The following ACMSD variants were observed in gnomAD, a reference collection of about 807,000 sequenced individuals.
ACMSD encodes the protein aminocarboxymuconate semialdehyde decarboxylase, also known as 2-amino-3-carboxymuconate-6-semialdehyde decarboxylase.
In ACMSD, 37 loss-of-function variants were observed where a neutral mutation model predicts 45.9. The ratio of observed to expected loss-of-function variants is 0.81; its 90% CI spans 0.62 to 1.06. The LOEUF (loss-of-function observed/expected upper bound fraction) is 1.06, where lower values mean the gene tolerates loss of function less well. Among genes scored for constraint, ACMSD ranks in the 50% least tolerant of loss-of-function variants. The pLI, the probability that ACMSD is intolerant of heterozygous loss-of-function variation, is 0.00. For missense variants in ACMSD, 434 were observed against 420.9 expected (o/e 1.03, Z -0.27); for synonymous variants, 138 against 148.8 (o/e 0.93, Z 0.53).
intron 9 of ACMSD, among the ~76,000 whole-genome samples, chr2:134,898,818 T>C (rs1010744085): frequency 3.3e-5 from 5 of 152,276 alleles, no homozygotes; most frequent in African/African-American, 7.2e-5. Flanking sequence ...GAAACTAAAG[T>C]CTTGATTAAA....
At chr2:134,856,913 T>C (rs537309960) in intron 2 of ACMSD, among the ~76,000 whole-genome samples, 2 of 152,096 alleles carry the variant, frequency 1.3e-5, no homozygotes, top group Non-Finnish European at 2.9e-5. Flanking sequence ...TGGTTTTTTT[T>C]TCTATTTCTG....
chr2:134,899,192 A>G (rs939209988), intron 9 of ACMSD, among the ~76,000 whole-genome samples: 2 of 152,162 alleles, frequency 1.3e-5, no homozygotes, highest in Non-Finnish European at 2.9e-5. Context: ...GCTTTCTTCT[A>G]AACTAGAATC....
chr2:134,853,621 C>T (rs1445067435), intron 2 of ACMSD, among the ~76,000 whole-genome samples: 4 of 152,136 alleles, frequency 2.6e-5, no homozygotes, highest in Non-Finnish European at 5.9e-5. Flanking sequence ...ACAGACACAT[C>T]CACAGCCTTG....
chr2:134,849,244 G>A (rs1227894220), intron 2 of ACMSD, among the ~76,000 whole-genome samples: 1 of 144,600 alleles, frequency 6.9e-6, no homozygotes, highest in Non-Finnish European at 1.5e-5. Flanking sequence ...AAAACAAAAA[G>A]GAAATATTTT....
At chr2:134,846,939 T>C (rs1227468977) in intron 2 of ACMSD, among the ~76,000 whole-genome samples, 2 of 151,920 alleles carry the variant, frequency 1.3e-5, no homozygotes, top group Non-Finnish European at 2.9e-5. Flanking sequence ...GCTTCGAGGA[T>C]GAGAAGGGAA....
At chr2:134,885,290 T>TATATATATA (rs374618397) in intron 8 of ACMSD, among the ~76,000 whole-genome samples, 1 of 45,434 alleles carries the variant, frequency 2.2e-5, no homozygotes, top group African/African-American at 1.1e-4. Flanking sequence ...ATATATTATA[T>TATATATATA]TTATATATAT....
At chr2:134,849,280 C>T (rs1158382135) in intron 2 of ACMSD, among the ~76,000 whole-genome samples, 1 of 128,218 alleles carries the variant, frequency 7.8e-6, no homozygotes, top group Non-Finnish European at 1.6e-5. Flanking sequence ...GACTTATTTC[C>T]AGCAAAATCT....
intron 1 of ACMSD, among the ~76,000 whole-genome samples, chr2:134,839,632 AT>A (rs1686692388): frequency 6.6e-6 from 1 of 152,140 alleles, no homozygotes; most frequent in Non-Finnish European, 1.5e-5. Flanking sequence ...AGATGAAACT[AT>A]TTTCTTCTCA....
intron 1 of ACMSD, among the ~76,000 whole-genome samples, chr2:134,840,299 C>A (rs982149237): frequency 2.6e-5 from 4 of 151,722 alleles, no homozygotes; most frequent in African/African-American, 7.3e-5. Context: ...ACAACGCCCC[C>A]CTGTACTATC....
chr2:134,897,588 AC>A (rs1690236709), intron 8 of ACMSD, among the ~76,000 whole-genome samples: 1 of 152,068 alleles, frequency 6.6e-6, no homozygotes, highest in Non-Finnish European at 1.5e-5. Flanking sequence ...ATTTTATTTT[AC>A]TTTGATAAAT....
chr2:134,901,946 T>C lies in ACMSD; in HGVS notation c.*86T>C. On this transcript the variant is annotated 3_prime_UTR_variant, in exon 10 of 10. Transcript: ENST00000356140. ...ATCAACAGGTATCAACAAAATCCTA[T>C]TTTGAACTATTTTACTCAGAAATGA... 1 of 881,544 alleles carries C rather than the reference T, an allele frequency of 1.1e-6. No individual in the cohort carries two copies. The allele number at this position is 881,544 out of a possible 1,614,324, so 54.6% of individuals were successfully genotyped here. A position where few individuals can be genotyped will look rare whatever the true frequency, so the allele number is the denominator to read the frequency against.
In ACMSD at chr2:134,872,560, G is replaced by T. The variant is rs1688510662; in HGVS notation, c.768G>T (p.Lys256Asn). The T allele has an allele frequency of 6.2e-7, 1 of 1,614,120 alleles. No individual in the cohort carries two copies. The highest frequency in any genetic ancestry group is 8.5e-7 in the Non-Finnish European group (1 of 1,180,016). Residue 256 changes from lysine to asparagine, a missense_variant, in exon 8 of 10, where the codon AAG (lysine) becomes AAT (asparagine). Lys to Asn is a moderately conservative substitution (Grantham distance 94). Transcript: ENST00000356140. ...CCCAGGACAACCCCATGAACCCGAA[G>T]AAATACCTTGGTTCCTTTTACACAG... ...LCAQDNPMNP[K>N]KYLGSFYTDA...
chr2:134,887,654 T>C (rs1179288095), intron 8 of ACMSD, among the ~76,000 whole-genome samples: 1 of 152,238 alleles, frequency 6.6e-6, no homozygotes, highest in Admixed American at 6.5e-5. Flanking sequence ...TCCTCCCACC[T>C]TGGCCTCCCA....
At chr2:134,856,993 T>C (rs1687614443) in intron 2 of ACMSD, among the ~76,000 whole-genome samples, 1 of 152,232 alleles carries the variant, frequency 6.6e-6, no homozygotes, top group Admixed American at 6.5e-5. Context: ...GTATGGACAT[T>C]TAAACAATAT....
intron 4 of ACMSD, among the ~76,000 whole-genome samples, chr2:134,862,719 G>T (rs1687905194): frequency 6.6e-6 from 1 of 152,204 alleles, no homozygotes. Context: ...AGTGCCCTGA[G>T]ACCTCAAAAT....
intron 2 of ACMSD, among the ~76,000 whole-genome samples, chr2:134,856,025 T>C (rs1230191106): frequency 2.0e-5 from 3 of 152,182 alleles, no homozygotes; most frequent in African/African-American, 7.2e-5. Context: ...TGGTGTGCCC[T>C]CAAAGCAGAG....
In ACMSD at chr2:134,859,364, T is replaced by C. The variant is rs1167519452; in HGVS notation, c.199+7T>C. The stretch of plus-strand genomic sequence containing the variant: ...AGAGAAATGGACCAAAAAGGTACGA[T>C]GAGAAGTGCTACCAATGTTAGCATC... On this transcript the variant is annotated splice_region_variant and intron_variant, in intron 3 of 9. Coordinates refer to ENST00000356140, the MANE Select transcript of ACMSD (RefSeq NM_138326.3). 2.5e-6 allele frequency: 4 copies of C among 1,612,752 alleles called. No individual in the cohort carries two copies. Among genetic ancestry groups the C allele is most frequent in the African/African-American group, 1.3e-5 (1 of 74,886 alleles).
chr2:134,872,832 A>C, intron 8 of ACMSD, 191 bp downstream of exon 8: 1 of 606,912 alleles, frequency 1.6e-6, no homozygotes. Context: ...CTCCACACAG[A>C]GTACATAACA....
At chr2:134,875,935 T>C (rs1164717188) in intron 8 of ACMSD, among the ~76,000 whole-genome samples, 1 of 152,248 alleles carries the variant, frequency 6.6e-6, no homozygotes, top group East Asian at 1.9e-4. Context: ...ACCTAAACTA[T>C]ATGGTATATA....
Sources: gnomAD v4.1 joint callset for allele counts (sites outside exome capture counted in the v4.1 genomes callset) on GRCh38, gnomAD v4.1.1 for gene constraint, MANE v1.5 for transcripts, NCBI Gene and HGNC (gene_info 2026-07-23, HGNC 2026-07-21) for gene names.